CENPX: variants seen among roughly 807,000 people sequenced by gnomAD.
CENPX encodes centromere protein X, also known as FANCM associated histone fold protein 2.
CENPX carries 13 observed loss-of-function variants against 13.2 expected under a neutral mutation model. The ratio of observed to expected loss-of-function variants is 0.98; its 90% confidence interval spans 0.64 to 1.56. The LOEUF (loss-of-function observed/expected upper bound fraction) is 1.56. Among genes scored for constraint, CENPX ranks in the 40% most tolerant of loss-of-function variants. The pLI is 0.00. For missense variants in CENPX, 138 were observed against 107.5 expected (o/e 1.28, Z -1.26); for synonymous variants, 66 against 47.2 (o/e 1.40, Z -1.63).
In CENPX at chr17:82,019,235, G is replaced by A. The variant is rs1180198608; in HGVS notation, c.232-16C>T. On this transcript the variant is annotated splice_polypyrimidine_tract_variant and intron_variant, in intron 4 of 4. Coordinates refer to ENST00000392359, the MANE Select transcript of CENPX (RefSeq NM_001271006.2). ...AGTCCAGGAGCTGTGGGGAAGAGAA[G>A]CACTTAGGGCCAGCCAGCCGGGCAC... is the stretch of plus-strand genomic sequence containing the variant. 2 of 1,593,504 alleles carry A rather than the reference G, an allele frequency of 1.3e-6. No homozygotes were observed. The highest frequency in any genetic ancestry group is 4.5e-5 in the East Asian group (2 of 44,404).
chr17:82,020,156 C>T (rs978083594), intron 1 of CENPX, among the ~76,000 whole-genome samples: 7 of 152,186 alleles, frequency 4.6e-5, no homozygotes, highest in Admixed American at 6.5e-5. Context: ...AGCCTCCCTA[C>T]GGCGTGAGTG....
chr17:82,019,788 C>T lies in CENPX; in HGVS notation c.88+70G>A, dbSNP rs372733569. The T allele has an allele frequency of 3.9e-4, 608 of 1,567,920 alleles. No homozygotes were observed. The African/African-American group carries it at 7.3e-3, about 19-fold the overall frequency. On this transcript the variant is annotated intron_variant, in intron 2 of 4. Transcript: ENST00000392359. ...CCGCCCTCCCGAGGCCTTGGCCCTG[C>T]AGAGTTGCAGGAAAGGGTCCCTGAG...
chr17:82,022,163 C>T (rs2043298405), intron 1 of CENPX, among the ~76,000 whole-genome samples: 1 of 152,198 alleles, frequency 6.6e-6, no homozygotes, highest in Non-Finnish European at 1.5e-5. Flanking sequence ...CCAGAGAGCT[C>T]CACTTCCAGG....
chr17:82,018,995 C>T lies in CENPX; in HGVS notation c.*210G>A. 1 of 590,356 alleles carries T rather than the reference C, an allele frequency of 1.7e-6. No individual in the cohort carries two copies. The highest frequency in any genetic ancestry group is 2.6e-6 in the Non-Finnish European group (1 of 379,176). The allele number at this position is 590,356 out of a possible 1,614,324, so 36.6% of individuals were successfully genotyped here. On this transcript the variant is annotated 3_prime_UTR_variant, in exon 5 of 5. Coordinates refer to ENST00000392359, the MANE Select transcript of CENPX (RefSeq NM_001271006.2). Reference sequence around the variant, plus strand: ...TCCCCAGGTGCTGCCCCTTCCCACACCAGTGTCCCCACTGGACACTCCAAG... The same window carrying T: ...TCCCCAGGTGCTGCCCCTTCCCACATCAGTGTCCCCACTGGACACTCCAAG...
rs776663047 is a variant in CENPX at position 82,019,222 on chromosome 17, G to A, written c.232-3C>T. 12 of 1,589,410 alleles carry A rather than the reference G, an allele frequency of 7.5e-6. No homozygotes were observed. In the African/African-American group the frequency reaches 9.4e-5, roughly 12 times the overall value. On this transcript the variant is annotated splice_region_variant and splice_polypyrimidine_tract_variant and intron_variant, in intron 4 of 4. Coordinates refer to ENST00000392359, the MANE Select transcript of CENPX (RefSeq NM_001271006.2). ...TGAGATCCCTAGAAGTCCAGGAGCT[G>A]TGGGGAAGAGAAGCACTTAGGGCCA...
At chr17:82,020,190 C>G (rs549472476) in intron 1 of CENPX, among the ~76,000 whole-genome samples, 21 of 152,232 alleles carry the variant, frequency 1.4e-4, no homozygotes, top group Non-Finnish European at 2.8e-4. Context: ...GAGCAGGCCC[C>G]GCTGCTGGGG....
At chr17:82,020,036 C>T in intron 1 of CENPX, 127 bp from the exon 2 acceptor site, 2 of 928,306 alleles carry the variant, frequency 2.2e-6, no homozygotes. Flanking sequence ...GAGCCTCTCC[C>T]AGGGCAGGGG....
In CENPX at chr17:82,018,952, G is replaced by C; in HGVS notation, c.*253C>G. 3 of 442,080 alleles carry C rather than the reference G, an allele frequency of 6.8e-6. No individual in the cohort carries two copies. Among genetic ancestry groups the C allele is most frequent in the Non-Finnish European group, 1.2e-5 (3 of 258,844 alleles). 27.4% of individuals were successfully genotyped at this position (442,080 alleles called of 1,614,324 possible). On this transcript the variant is annotated 3_prime_UTR_variant, in exon 5 of 5. Transcript: ENST00000392359. ...GGGTGGCATGCACACTATTGTCCCAGGGAGGAGAGGCAGGGACTCCCCAGG... is the reference window on the plus strand; with the variant it reads ...GGGTGGCATGCACACTATTGTCCCACGGAGGAGAGGCAGGGACTCCCCAGG...
At chr17:82,019,516 A>G (rs1273728559) in intron 3 of CENPX, 125 bp downstream of exon 3, 1 of 1,527,518 alleles carries the variant, frequency 6.5e-7, no homozygotes, top group Non-Finnish European at 8.8e-7. Flanking sequence ...GCACCTGACA[A>G]ACAGGCTCAG....
rs1258842406 is a variant in CENPX at position 82,018,779 on chromosome 17, G to C, written c.*426C>G. 3.6e-6 allele frequency: 1 copy of C among 278,388 alleles called. No homozygotes were observed. The highest frequency in any genetic ancestry group is 2.1e-5 in the African/African-American group (1 of 46,746). 17.2% of individuals were successfully genotyped at this position (278,388 alleles called of 1,614,324 possible). ...AGCCTGGGGAAGCATCTTCCAAGGG[G>C]AATATCGCATGGCTGGAAAGGTCAC... On this transcript the variant is annotated 3_prime_UTR_variant, in exon 5 of 5. Transcript: ENST00000392359.
chr17:82,019,497 C>G, intron 3 of CENPX, 116 bp from the exon 4 acceptor site: 1 of 1,515,566 alleles, frequency 6.6e-7, no homozygotes, highest in Non-Finnish European at 8.8e-7. Context: ...CCCCCAGAAC[C>G]AGGCCACAGC....
chr17:82,019,834 T>TCCCCCCC, intron 2 of CENPX, 24 bp downstream of exon 2: 1 of 1,207,752 alleles, frequency 8.3e-7, no homozygotes, highest in Non-Finnish European at 1.2e-6. Context: ...GGGACCCACC[T>TCCCCCCC]CCCGCCCGCA....
Position 82,019,764 on chromosome 17 carries a change from C to T in CENPX, c.89-70G>A, listed in dbSNP as rs561724595. The T allele has an allele frequency of 6.6e-5, 102 of 1,550,556 alleles. 1 individual carries two copies. The East Asian group carries it at 2.2e-3, about 33-fold the overall frequency. On this transcript the variant is annotated intron_variant, in intron 2 of 4. Transcript: ENST00000392359. ...TGGCTGGGTGCTCCAGACATACCCC[C>T]GCCCTCCCGAGGCCTTGGCCCTGCA...
In CENPX at chr17:82,019,703, CAG is replaced by C; in HGVS notation, c.89-11_89-10del. On this transcript the variant is annotated splice_polypyrimidine_tract_variant and intron_variant, in intron 2 of 4. Coordinates refer to ENST00000392359, the MANE Select transcript of CENPX (RefSeq NM_001271006.2). ...CAGCGCGTCCCCGCTCACTGCAAGGCAGGGGGAGGTTATGCGGGACCCTCACC... is the reference window on the plus strand; with the variant it reads ...CAGCGCGTCCCCGCTCACTGCAAGGCGGGGAGGTTATGCGGGACCCTCACC... 5 of 1,550,324 alleles carry C rather than the reference CAG, an allele frequency of 3.2e-6. No individual in the cohort carries two copies. The highest frequency in any genetic ancestry group is 3.5e-6 in the Non-Finnish European group (4 of 1,146,968).
At chr17:82,019,831 A>ACCACCC in intron 2 of CENPX, 27 bp downstream of exon 2, 1 of 1,559,316 alleles carries the variant, frequency 6.4e-7, no homozygotes, top group Non-Finnish European at 8.8e-7. Context: ...ACGGGGACCC[A>ACCACCC]CCTCCCGCCC....
chr17:82,019,130 G>C lies in CENPX; in HGVS notation c.*75C>G. ...GGTCCTTCCCTGCCTCTTATCAGAG[G>C]CCGCTGGAAACACAAGGCCTGCTTC... is the stretch of plus-strand genomic sequence containing the variant. On this transcript the variant is annotated 3_prime_UTR_variant, in exon 5 of 5. Transcript: ENST00000392359. 2.0e-6 allele frequency: 3 copies of C among 1,489,334 alleles called. No individual in the cohort carries two copies. The highest frequency in any genetic ancestry group is 2.7e-6 in the Non-Finnish European group (3 of 1,119,312). The allele number at this position is 1,489,334 out of a possible 1,614,324, so 92.3% of individuals were successfully genotyped here. A position where few individuals can be genotyped will look rare whatever the true frequency, so the allele number is the denominator to read the frequency against.
At position 82,019,121 on chromosome 17, in the gene CENPX, T is replaced by G. The variant is rs866272689; in HGVS notation, c.*84A>C. 6.4e-5 allele frequency: 95 copies of G among 1,483,806 alleles called. 1 individual carries two copies. In the Middle Eastern group the frequency reaches 5.6e-3, roughly 88 times the overall value. 91.9% of individuals were successfully genotyped at this position (1,483,806 alleles called of 1,614,324 possible). A position where few individuals can be genotyped will look rare whatever the true frequency, so the allele number is the denominator to read the frequency against. On this transcript the variant is annotated 3_prime_UTR_variant, in exon 5 of 5. Coordinates refer to ENST00000392359, the MANE Select transcript of CENPX (RefSeq NM_001271006.2). ...AATCCTTCAGGTCCTTCCCTGCCTC[T>G]TATCAGAGGCCGCTGGAAACACAAG... is the stretch of plus-strand genomic sequence containing the variant.
chr17:82,020,269 G>A (rs1321775727), intron 1 of CENPX, among the ~76,000 whole-genome samples: 1 of 152,250 alleles, frequency 6.6e-6, no homozygotes, highest in Non-Finnish European at 1.5e-5. Flanking sequence ...CCCCGGCAGA[G>A]GGCCATGGCT....
intron 1 of CENPX, among the ~76,000 whole-genome samples, chr17:82,022,177 A>G (rs952463875): frequency 4.6e-5 from 7 of 152,198 alleles, no homozygotes; most frequent in Non-Finnish European, 1.0e-4. Context: ...TTCCAGGAAC[A>G]GGGAAGAGCA....
Sources: allele counts gnomAD v4.1 joint callset (sites outside exome capture counted in the v4.1 genomes callset), GRCh38; gene constraint gnomAD v4.1.1; transcripts MANE v1.5; gene names NCBI Gene and HGNC (gene_info 2026-07-23, HGNC 2026-07-21).